Variants in LHFPL2 observed in about 807,000 individuals in gnomAD.
The protein encoded by LHFPL2 is LHFPL tetraspan subfamily member 2 protein.
Under a neutral mutation model 17.5 loss-of-function variants are expected in LHFPL2, and 7 were observed. The ratio of observed to expected loss-of-function variants is 0.40; its 90% CI spans 0.23 to 0.75. The LOEUF (loss-of-function observed/expected upper bound fraction) is 0.75. Among genes scored for constraint, LHFPL2 ranks in the 30% least tolerant of loss-of-function variants. The pLI is 0.37. For synonymous variants in LHFPL2, 134 were observed against 116.2 expected, an observed-to-expected ratio of 1.15 and a Z score of -0.99; for missense variants, 241 against 294.8, an observed-to-expected ratio of 0.82 and a Z score of 1.34.
intron 3 of LHFPL2, among the ~76,000 whole-genome samples, chr5:78,535,222 C>T (rs760159445): frequency 6.6e-6 from 1 of 152,106 alleles, no homozygotes; most frequent in Non-Finnish European, 1.5e-5. Context: ...AGGGGCTGCA[C>T]GGACAGTCCT....
At chr5:78,534,216 G>T (rs545034134) in intron 3 of LHFPL2, among the ~76,000 whole-genome samples, 1 of 152,232 alleles carries the variant, frequency 6.6e-6, no homozygotes, top group African/African-American at 2.4e-5. Flanking sequence ...CTCAGGAGCC[G>T]TAGGTCGAGA....
Position 78,585,841 on chromosome 5 carries a change from G to T in LHFPL2, c.-244-20970C>A, listed in dbSNP as rs1326258137. Among the ~76,000 whole-genome samples, 4 of 152,170 alleles carry T rather than the reference G, an allele frequency of 2.6e-5. No homozygotes were observed. The East Asian group carries it at 7.7e-4, about 29-fold the overall frequency. On this transcript the variant is annotated intron_variant, in intron 2 of 4. Coordinates refer to ENST00000380345, the MANE Select transcript of LHFPL2 (RefSeq NM_005779.3). ...ACCTCATTTTACAGATGGGGAGACT[G>T]GGTTGGGGTTGGGGTTGGGGATGGG...
intron 2 of LHFPL2, among the ~76,000 whole-genome samples, chr5:78,589,535 A>C (rs191764330): frequency 6.6e-6 from 1 of 152,268 alleles, no homozygotes; most frequent in East Asian, 1.9e-4. Flanking sequence ...CATTGCAAAA[A>C]AACAGCATTA....
At chr5:78,556,102 G>T (rs1450060900) in intron 3 of LHFPL2, among the ~76,000 whole-genome samples, 2 of 152,122 alleles carry the variant, frequency 1.3e-5, no homozygotes, top group East Asian at 3.9e-4. Context: ...TTTCCAGATG[G>T]GGGCAGTCAC....
intron 3 of LHFPL2, among the ~76,000 whole-genome samples, chr5:78,511,165 T>G (rs10462558): frequency 0.062 from 9,427 of 152,144 alleles, 509 homozygotes; most frequent in East Asian, 0.25. Flanking sequence ...TAAAAGACAT[T>G]AATGACCGTT....
At chr5:78,605,584 C>A (rs1744186032) in intron 2 of LHFPL2, among the ~76,000 whole-genome samples, 1 of 152,166 alleles carries the variant, frequency 6.6e-6, no homozygotes. Flanking sequence ...CACCTTACAA[C>A]ATAGGCTTCT....
intron 3 of LHFPL2, among the ~76,000 whole-genome samples, chr5:78,543,265 C>T (rs547937105): frequency 6.6e-6 from 1 of 152,278 alleles, no homozygotes; most frequent in South Asian, 2.1e-4. Flanking sequence ...TGTTTGGGAC[C>T]CCTCTCTCTG....
intron 4 of LHFPL2, among the ~76,000 whole-genome samples, chr5:78,489,749 T>C (rs1281481238): frequency 6.6e-6 from 1 of 152,242 alleles, no homozygotes; most frequent in East Asian, 1.9e-4. Context: ...GTTGGTAAAC[T>C]AAGGCCCTCA....
At chr5:78,528,507 AG>A (rs1755687217) in intron 3 of LHFPL2, among the ~76,000 whole-genome samples, 1 of 152,240 alleles carries the variant, frequency 6.6e-6, no homozygotes, top group Non-Finnish European at 1.5e-5. Context: ...CATCATACAT[AG>A]AAAAATTGTC....
At chr5:78,616,072 C>T (rs745863821) in intron 2 of LHFPL2, among the ~76,000 whole-genome samples, 4 of 152,112 alleles carry the variant, frequency 2.6e-5, no homozygotes, top group African/African-American at 7.2e-5. Flanking sequence ...TCCTCCCCAT[C>T]CTCCCATTCC....
intron 3 of LHFPL2, among the ~76,000 whole-genome samples, chr5:78,559,372 G>T (rs1388739222): frequency 6.6e-6 from 1 of 152,162 alleles, no homozygotes; most frequent in South Asian, 2.1e-4. Context: ...GGGCATCGAG[G>T]ATATACTACA....
chr5:78,548,537 A>T (rs993958486), intron 3 of LHFPL2, among the ~76,000 whole-genome samples: 1 of 152,268 alleles, frequency 6.6e-6, no homozygotes, highest in African/African-American at 2.4e-5. Context: ...ACAGCTGGTC[A>T]GCAAACAGAG....
chr5:78,581,788 G>C (rs1580828555), intron 2 of LHFPL2, among the ~76,000 whole-genome samples: 1 of 152,300 alleles, frequency 6.6e-6, no homozygotes, highest in African/African-American at 2.4e-5. Flanking sequence ...TTGGTATCAG[G>C]ATGATGCTGG....
intron 4 of LHFPL2, among the ~76,000 whole-genome samples, chr5:78,503,700 A>AAAC (rs141048626): frequency 6.6e-6 from 1 of 151,622 alleles, no homozygotes; most frequent in African/African-American, 2.4e-5. Context: ...CTCCATCTCA[A>AAAC]AAACAAACAA....
intron 3 of LHFPL2, among the ~76,000 whole-genome samples, chr5:78,547,834 A>G (rs980224753): frequency 2.6e-5 from 4 of 152,212 alleles, no homozygotes; most frequent in African/African-American, 4.8e-5. Context: ...CCAGAGGTAC[A>G]GGGGGCCTGT....
chr5:78,631,180 C>G (rs1192710500), intron 2 of LHFPL2, among the ~76,000 whole-genome samples: 1 of 152,198 alleles, frequency 6.6e-6, no homozygotes, highest in Non-Finnish European at 1.5e-5. Flanking sequence ...TTCAGGTTGC[C>G]CATTGGGAAA....
At chr5:78,625,337 A>C (rs1009317773) in intron 2 of LHFPL2, 3 of 152,172 alleles carry the variant, frequency 2.0e-5, no homozygotes, top group African/African-American at 7.2e-5. Context: ...GCTGCTGGTA[A>C]GGAAAGGGGC....
chr5:78,578,620 C>CAGAG, intron 2 of LHFPL2, among the ~76,000 whole-genome samples: 1 of 149,730 alleles, frequency 6.7e-6, no homozygotes, highest in South Asian at 2.1e-4. Context: ...CACACACACA[C>CAGAG]AGAGACAGGT....
intron 4 of LHFPL2, among the ~76,000 whole-genome samples, chr5:78,490,540 C>T (rs1408012600): frequency 6.6e-6 from 1 of 151,922 alleles, no homozygotes; most frequent in Non-Finnish European, 1.5e-5. Flanking sequence ...ATCACGAGGT[C>T]AAGAGAGTGA....
Sources: gnomAD v4.1 joint callset for allele counts (sites outside exome capture counted in the v4.1 genomes callset) on GRCh38, gnomAD v4.1.1 for gene constraint, MANE v1.5 for transcripts, NCBI Gene and HGNC (gene_info 2026-07-23, HGNC 2026-07-21) for gene names.